SKAP2: variants seen among roughly 807,000 people sequenced by gnomAD.
SKAP2 encodes src kinase associated phosphoprotein 2.
A neutral mutation model predicts 54.9 loss-of-function variants in SKAP2; 28 were observed. The ratio of observed to expected loss-of-function variants is 0.51; its 90% confidence interval spans 0.38 to 0.70. The LOEUF is 0.70. SKAP2 is among the 30% of genes least tolerant of loss of function. The pLI, the probability that SKAP2 is intolerant of heterozygous loss-of-function variation, is 0.00. For missense variants in SKAP2, 356 were observed against 424.1 expected (o/e 0.84, Z 1.41); for synonymous variants, 137 against 134.3 (o/e 1.02, Z -0.14).
chr7:26,753,584 G>A (rs1264366379), intron 4 of SKAP2, among the ~76,000 whole-genome samples: 1 of 152,032 alleles, frequency 6.6e-6, no homozygotes, highest in Non-Finnish European at 1.5e-5. Flanking sequence ...CCTAATTTTG[G>A]GGTCATTAAA....
downstream of SKAP2, among the ~76,000 whole-genome samples, chr7:26,662,310 C>A (rs79705133): frequency 6.6e-6 from 1 of 152,200 alleles, no homozygotes; most frequent in South Asian, 2.1e-4. Context: ...GAAACCCTTG[C>A]GTTTCCCTCC....
intron 4 of SKAP2, among the ~76,000 whole-genome samples, chr7:26,760,771 A>C (rs1418065041): frequency 6.6e-6 from 1 of 152,178 alleles, no homozygotes; most frequent in Non-Finnish European, 1.5e-5. Context: ...AATATCAACC[A>C]AGCGATTACA....
At chr7:26,807,518 GC>G (rs1784055481) in intron 4 of SKAP2, among the ~76,000 whole-genome samples, 1 of 152,116 alleles carries the variant, frequency 6.6e-6, no homozygotes, top group Non-Finnish European at 1.5e-5. Flanking sequence ...TTCCTGAGGC[GC>G]CCCCAGCCAT....
chr7:26,654,945 C>T, the SKAP2 span, among the ~76,000 whole-genome samples: 1 of 152,120 alleles, frequency 6.6e-6, no homozygotes, highest in African/African-American at 2.4e-5. Flanking sequence ...GATCCAGGGA[C>T]CCGTTGGTGA....
intron 4 of SKAP2, among the ~76,000 whole-genome samples, chr7:26,777,909 C>T (rs968397846): frequency 6.6e-6 from 1 of 151,518 alleles, no homozygotes; most frequent in Non-Finnish European, 1.5e-5. Context: ...TTTTTTTTAA[C>T]AACTCAACAC....
chr7:26,855,045 G>T, intron 1 of SKAP2, 155 bp from the exon 2 acceptor site: 1 of 513,064 alleles, frequency 1.9e-6, no homozygotes, highest in Non-Finnish European at 3.3e-6. Context: ...GTTGAAGTGT[G>T]TTTCAAATAC....
rs190930912 is a variant in SKAP2, at chr7:26,797,305, C to T, written c.307+46725G>A. 5.7e-4 allele frequency among the ~76,000 whole-genome samples: 87 copies of T among 152,278 alleles called. No homozygotes were observed. The East Asian group carries it at 0.013, about 23-fold the overall frequency. On this transcript the variant is annotated intron_variant, in intron 4 of 12. Coordinates refer to ENST00000345317, the MANE Select transcript of SKAP2 (RefSeq NM_003930.5). ...TACCCCGTGCAGTCATAGTGGTGGC[C>T]GCCACGGGGGTGCCTGTGTTACTCC...
chr7:26,721,099 A>G (rs1787567090), intron 9 of SKAP2, among the ~76,000 whole-genome samples: 1 of 152,224 alleles, frequency 6.6e-6, no homozygotes, highest in Non-Finnish European at 1.5e-5. Context: ...ATGAAAATTA[A>G]TTGACATCTT....
intron 4 of SKAP2, among the ~76,000 whole-genome samples, chr7:26,800,478 T>C (rs1314699706): frequency 6.6e-6 from 1 of 151,314 alleles, no homozygotes; most frequent in Non-Finnish European, 1.5e-5. Flanking sequence ...AACCCAAAAT[T>C]AGTAGAAGAA....
intron 4 of SKAP2, among the ~76,000 whole-genome samples, chr7:26,786,027 C>T (rs1367878531): frequency 6.6e-6 from 1 of 152,120 alleles, no homozygotes; most frequent in African/African-American, 2.4e-5. Context: ...GGGCACCTCC[C>T]CTTCACCCCA....
At chr7:26,728,365 T>A (rs1014914784) in intron 6 of SKAP2, among the ~76,000 whole-genome samples, 4 of 152,108 alleles carry the variant, frequency 2.6e-5, no homozygotes, top group African/African-American at 4.8e-5. Context: ...CTTAGTACAT[T>A]TACATAGTAA....
At chr7:26,679,191 CA>C (rs1786426249) in intron 11 of SKAP2, among the ~76,000 whole-genome samples, 1 of 152,224 alleles carries the variant, frequency 6.6e-6, no homozygotes, top group South Asian at 2.1e-4. Flanking sequence ...CCTGTCAGGC[CA>C]TTGCAAGGGC....
intron 10 of SKAP2, among the ~76,000 whole-genome samples, chr7:26,686,800 C>T (rs1468226281): frequency 6.6e-6 from 1 of 152,108 alleles, no homozygotes. Flanking sequence ...ATTTCACATG[C>T]AAGGCCTTCC....
chr7:26,825,458 A>AATTGTATAG lies in SKAP2; in HGVS notation c.307+18571_307+18572insCTATACAAT, dbSNP rs1346351155. 2.0e-5 allele frequency among the ~76,000 whole-genome samples: 3 copies of AATTGTATAG among 152,110 alleles called. No individual in the cohort carries two copies. In the East Asian group the frequency reaches 5.8e-4, roughly 29 times the overall value. On this transcript the variant is annotated intron_variant, in intron 4 of 12. Coordinates refer to ENST00000345317, the MANE Select transcript of SKAP2 (RefSeq NM_003930.5). ...ATTTTTGTTTAGTTCTAATCTATAC[A>AATTGTATAG]ATTGTACCTTTTCATATAGGTGCTA...
At chr7:26,741,843 G>A (rs1401923596) in intron 4 of SKAP2, among the ~76,000 whole-genome samples, 1 of 151,124 alleles carries the variant, frequency 6.6e-6, no homozygotes, top group Non-Finnish European at 1.5e-5. Flanking sequence ...TAATACCATG[G>A]GGATCACAGT....
intron 4 of SKAP2, among the ~76,000 whole-genome samples, chr7:26,790,711 A>T (rs1019536749): frequency 4.6e-5 from 7 of 152,214 alleles, no homozygotes; most frequent in African/African-American, 1.7e-4. Context: ...AAGAGTGAAG[A>T]CTTTGGAGAT....
intron 9 of SKAP2, among the ~76,000 whole-genome samples, chr7:26,723,690 T>C (rs1787631056): frequency 6.6e-6 from 1 of 151,136 alleles, no homozygotes; most frequent in East Asian, 1.9e-4. Context: ...ATCTGGTCTT[T>C]ATTCCTGATC....
intron 4 of SKAP2, among the ~76,000 whole-genome samples, chr7:26,829,954 G>A (rs1159049891): frequency 6.6e-6 from 1 of 152,084 alleles, no homozygotes; most frequent in Non-Finnish European, 1.5e-5. Context: ...TTACACAAAT[G>A]TGCATTATTC....
intron 9 of SKAP2, among the ~76,000 whole-genome samples, chr7:26,696,489 C>T (rs1786897641): frequency 6.6e-6 from 1 of 151,986 alleles, no homozygotes; most frequent in Non-Finnish European, 1.5e-5. Context: ...TTGGGGAAGA[C>T]AATGAGATAA....
Sources: allele counts gnomAD v4.1 joint callset (sites outside exome capture counted in the v4.1 genomes callset), GRCh38; gene constraint gnomAD v4.1.1; transcripts MANE v1.5; gene names NCBI Gene and HGNC (gene_info 2026-07-23, HGNC 2026-07-21).